Variants in CAPS2 observed in about 807,000 individuals in gnomAD.
CAPS2 encodes calcyphosin-2.
CAPS2 carries 98 observed loss-of-function variants against 86.5 expected under a neutral mutation model. The observed-to-expected ratio is 1.13, with a 90% confidence interval of 0.96 to 1.34. The LOEUF is 1.34. CAPS2 is among the 40% of genes most tolerant of loss of function. The pLI is 0.00. For missense variants in CAPS2, 729 were observed against 686.8 expected, an observed-to-expected ratio of 1.06 and a Z score of -0.69; for synonymous variants, 210 against 225.1, an observed-to-expected ratio of 0.93 and a Z score of 0.60.
At chr12:75,334,379 C>T, upstream of CAPS2, 2 of 756,440 alleles carry the variant, frequency 2.6e-6, no homozygotes, top group Non-Finnish European at 3.3e-6. Context: ...CGCACTTGTT[C>T]TTTACCTAAC....
At chr12:75,349,362 C>T (rs936455619) in intron 1 of CAPS2, among the ~76,000 whole-genome samples, 4 of 152,054 alleles carry the variant, frequency 2.6e-5, no homozygotes, top group African/African-American at 9.7e-5. Context: ...AACAACATAA[C>T]TTTAACAACA....
chr12:75,366,706 T>C, intron 1 of CAPS2: 6 of 561,990 alleles, frequency 1.1e-5, no homozygotes, highest in Non-Finnish European at 1.6e-5. Context: ...GTGTTGCAGA[T>C]CAATGTGTGC....
chr12:75,293,899 TAAAC>T (rs1200983957), intron 11 of CAPS2, among the ~76,000 whole-genome samples: 1 of 152,206 alleles, frequency 6.6e-6, no homozygotes, highest in Non-Finnish European at 1.5e-5. Flanking sequence ...GCTGCTCAAA[TAAAC>T]AAAGCCAGTG....
At chr12:75,359,799 T>A (rs1320474392) in intron 1 of CAPS2, 1 of 152,152 alleles carries the variant, frequency 6.6e-6, no homozygotes, top group South Asian at 2.1e-4. Context: ...CCTGGATCTA[T>A]ACAACTACAA....
At chr12:75,292,409 A>T (rs908151867) in intron 12 of CAPS2, among the ~76,000 whole-genome samples, 1 of 152,012 alleles carries the variant, frequency 6.6e-6, no homozygotes, top group Non-Finnish European at 1.5e-5. Context: ...ACATTTAATT[A>T]AAACTATTAA....
chr12:75,276,259 T>TA (rs1359014440), downstream of CAPS2: 1 of 1,540,178 alleles, frequency 6.5e-7, no homozygotes, highest in South Asian at 1.2e-5. Context: ...TAGTAGTGAT[T>TA]ATAGTTTATC....
intron 1 of CAPS2, among the ~76,000 whole-genome samples, chr12:75,346,324 A>G (rs2042442614): frequency 6.6e-6 from 1 of 152,236 alleles, no homozygotes; most frequent in Non-Finnish European, 1.5e-5. Flanking sequence ...CATTTCATTA[A>G]GTGGGAAACT....
intron 5 of CAPS2, among the ~76,000 whole-genome samples, chr12:75,319,318 C>G (rs1477679572): frequency 6.6e-6 from 1 of 152,104 alleles, no homozygotes; most frequent in African/African-American, 2.4e-5. Context: ...GTGAATAGAT[C>G]AGTGTTGTCC....
intron 1 of CAPS2, chr12:75,367,100 A>C: frequency 1.4e-6 from 1 of 692,284 alleles, no homozygotes; most frequent in Non-Finnish European, 2.6e-6. Flanking sequence ...ATTTGGGGAG[A>C]AAACGTAATG....
At chr12:75,361,790 A>G (rs142484561) in intron 1 of CAPS2, among the ~76,000 whole-genome samples, 138 of 152,184 alleles carry the variant, frequency 9.1e-4, no homozygotes, top group African/African-American at 3.2e-3. Context: ...CCATAATCCA[A>G]TCACCTCCCT....
chr12:75,325,551 A>G (rs2040688876), intron 1 of CAPS2: 2 of 153,114 alleles, frequency 1.3e-5, no homozygotes, highest in African/African-American at 4.8e-5. Context: ...AAAAAAGTCT[A>G]TAACAGAGCA....
At chr12:75,291,551 T>G (rs1348324496) in intron 13 of CAPS2, among the ~76,000 whole-genome samples, 193 bp downstream of exon 13, 1 of 116,152 alleles carries the variant, frequency 8.6e-6, no homozygotes, top group Non-Finnish European at 1.8e-5. Flanking sequence ...TATATATATA[T>G]AGCTTATTTT....
chr12:75,321,824 C>T (rs2040334241), intron 4 of CAPS2, among the ~76,000 whole-genome samples: 1 of 152,044 alleles, frequency 6.6e-6, no homozygotes, highest in African/African-American at 2.4e-5. Flanking sequence ...TACCTTGTTT[C>T]CTAGCTGAAG....
chr12:75,314,705 C>T (rs1025609733), intron 6 of CAPS2, among the ~76,000 whole-genome samples: 2 of 152,000 alleles, frequency 1.3e-5, no homozygotes, highest in Non-Finnish European at 2.9e-5. Flanking sequence ...AGATCCACAT[C>T]GGCTGAACAC....
chr12:75,282,918 A>G, intron 15 of CAPS2, among the ~76,000 whole-genome samples: 1 of 152,068 alleles, frequency 6.6e-6, no homozygotes, highest in Non-Finnish European at 1.5e-5. Flanking sequence ...AAGTAACCTG[A>G]CCTCTATTTC....
At chr12:75,297,899 T>C (rs1345953365) in intron 11 of CAPS2, among the ~76,000 whole-genome samples, 1 of 152,138 alleles carries the variant, frequency 6.6e-6, no homozygotes, top group Non-Finnish European at 1.5e-5. Flanking sequence ...TGGCATTTTC[T>C]CTAGGAAGCC....
chr12:75,343,020 ATTGT>A (rs564233006), intron 1 of CAPS2, among the ~76,000 whole-genome samples: 1,648 of 151,936 alleles, frequency 0.011, 41 homozygotes, highest in African/African-American at 0.038. Flanking sequence ...TTTTTATAGT[ATTGT>A]TTATGTATTA....
upstream of CAPS2, chr12:75,329,703 C>G (rs1326934015): frequency 1.6e-6 from 1 of 618,496 alleles, no homozygotes; most frequent in Non-Finnish European, 2.6e-6. Flanking sequence ...TATGTTGATC[C>G]CAGACGACTA....
At chr12:75,306,099 A>C (rs958188625) in intron 7 of CAPS2, 2 of 1,380,420 alleles carry the variant, frequency 1.4e-6, no homozygotes, top group East Asian at 4.6e-5. Context: ...GCCCTGGAAG[A>C]AGCACTCCAC....
Sources: allele counts gnomAD v4.1 joint callset (sites outside exome capture counted in the v4.1 genomes callset), GRCh38; gene constraint gnomAD v4.1.1; transcripts MANE v1.5; gene names NCBI Gene and HGNC (gene_info 2026-07-23, HGNC 2026-07-21).